Variants in KDM4C observed in about 807,000 individuals in gnomAD.
KDM4C encodes lysine-specific demethylase 4C.
In KDM4C, 81 loss-of-function variants were observed where a neutral mutation model predicts 129.3. The observed-to-expected ratio is 0.63, with a 90% CI of 0.52 to 0.75. The LOEUF is 0.75. KDM4C is among the 30% of genes least tolerant of loss of function. KDM4C has a pLI of 0.00. For synonymous variants in KDM4C, 573 were observed against 456.1 expected (o/e 1.26, Z -3.26); for missense variants, 1,457 against 1,304.0 (o/e 1.12, Z -1.81).
At chr9:6,997,477 C>G (rs762565253) in intron 12 of KDM4C, among the ~76,000 whole-genome samples, 2 of 152,184 alleles carry the variant, frequency 1.3e-5, no homozygotes, top group Non-Finnish European at 2.9e-5. Context: ...GAAAGTTATT[C>G]TAAGAATTCC....
intron 1 of KDM4C, among the ~76,000 whole-genome samples, chr9:6,785,341 CT>C (rs112696938): frequency 7.2e-4 from 105 of 145,384 alleles, no homozygotes; most frequent in Middle Eastern, 3.5e-3. Flanking sequence ...TCCTCTTCCT[CT>C]TTTTTTTTTT....
chr9:6,833,666 A>T (rs1835321140), intron 4 of KDM4C, among the ~76,000 whole-genome samples: 1 of 152,172 alleles, frequency 6.6e-6, no homozygotes, highest in Non-Finnish European at 1.5e-5. Context: ...GACATAAATA[A>T]AACACCTCGT....
At chr9:7,094,905 A>AAGGGTCAGATGCACTC (rs1329194428) in intron 17 of KDM4C, among the ~76,000 whole-genome samples, 17 of 152,154 alleles carry the variant, frequency 1.1e-4, no homozygotes, top group African/African-American at 3.6e-4. Flanking sequence ...AGTTTCTAAT[A>AAGGGTCAGATGCACTC]AGGGTCAGAT....
At chr9:6,919,806 C>G (rs1286699084) in intron 8 of KDM4C, among the ~76,000 whole-genome samples, 2 of 151,938 alleles carry the variant, frequency 1.3e-5, no homozygotes, top group East Asian at 3.9e-4. Context: ...AACTCCTGGC[C>G]TCAGGTGATC....
chr9:6,754,909 A>C (rs1224501331), upstream of KDM4C, among the ~76,000 whole-genome samples: 1 of 150,822 alleles, frequency 6.6e-6, no homozygotes, highest in Non-Finnish European at 1.5e-5. Flanking sequence ...AAAAAGCAGC[A>C]TATAAATTTG....
intron 8 of KDM4C, among the ~76,000 whole-genome samples, chr9:6,958,707 C>CTTTGTTTT: frequency 1.2e-5 from 1 of 81,110 alleles, no homozygotes. Context: ...TTTTTTGGGA[C>CTTTGTTTT]AGGGTCTCAC....
At chr9:6,833,011 T>G (rs772242058) in intron 4 of KDM4C, among the ~76,000 whole-genome samples, 1 of 151,982 alleles carries the variant, frequency 6.6e-6, no homozygotes, top group Non-Finnish European at 1.5e-5. Context: ...GCTAGCATTA[T>G]AGGTGTGAGC....
chr9:7,058,426 T>A lies in KDM4C; in HGVS notation c.2424+9226T>A, dbSNP rs548404086. 3.3e-5 allele frequency among the ~76,000 whole-genome samples: 5 copies of A among 152,328 alleles called. No homozygotes were observed. In the East Asian group the frequency reaches 9.6e-4, roughly 29 times the overall value. ...TTGTTGTGTTTGCACATTTCATTGG[T>A]TGAAATATTCTCACCGTGTCCAGTT... On this transcript the variant is annotated intron_variant, in intron 17 of 21. Transcript: ENST00000381309.
Position 7,174,442 on chromosome 9 carries a change from G to A in KDM4C, c.2995-111G>A, listed in dbSNP as rs192906423. 59 of 975,770 alleles carry A rather than the reference G, an allele frequency of 6.0e-5. No homozygotes were observed. In the African/African-American group the frequency reaches 8.4e-4, roughly 14 times the overall value. The allele number at this position is 975,770 out of a possible 1,614,324, so 60.4% of individuals were successfully genotyped here. A position where few individuals can be genotyped will look rare whatever the true frequency, so the allele number is the denominator to read the frequency against. Reference sequence around the variant, plus strand: ...GCCTGGGGCCCTTTTAGCCTGAGCTGGTGACCTGGGCATCTGCACCCTAAC... The same window carrying A: ...GCCTGGGGCCCTTTTAGCCTGAGCTAGTGACCTGGGCATCTGCACCCTAAC... On this transcript the variant is annotated intron_variant, in intron 21 of 21. Coordinates refer to ENST00000381309, the MANE Select transcript of KDM4C (RefSeq NM_015061.6).
Position 7,126,498 on chromosome 9 carries a change from A to G in KDM4C, c.2611-1568A>G, listed in dbSNP as rs533512941. The stretch of plus-strand genomic sequence containing the variant: ...AGGTTTTCACTGAAAAAGGATGAAG[A>G]TACAAATATGGAATAGAGGGAGGCA... On this transcript the variant is annotated intron_variant, in intron 18 of 21. Transcript: ENST00000381309. 2.6e-5 allele frequency among the ~76,000 whole-genome samples: 4 copies of G among 152,294 alleles called. No homozygotes were observed. The East Asian group carries it at 7.7e-4, about 29-fold the overall frequency.
intron 19 of KDM4C, among the ~76,000 whole-genome samples, chr9:7,155,272 C>A (rs1365199148): frequency 6.6e-6 from 1 of 152,146 alleles, no homozygotes; most frequent in Admixed American, 6.5e-5. Flanking sequence ...GAGGGCAGAC[C>A]ACTCAAGTTG....
chr9:6,791,312 C>T (rs934558371), intron 1 of KDM4C, among the ~76,000 whole-genome samples: 19 of 152,244 alleles, frequency 1.2e-4, no homozygotes, highest in Admixed American at 8.5e-4. Context: ...GGCGTTTTAC[C>T]GTGTTGCCCG....
intron 1 of KDM4C, among the ~76,000 whole-genome samples, chr9:6,734,207 G>C (rs111499538): frequency 6.6e-6 from 1 of 151,232 alleles, no homozygotes; most frequent in African/African-American, 2.4e-5. Flanking sequence ...TCCCCAGAAA[G>C]AGATTGATCT....
intron 1 of KDM4C, among the ~76,000 whole-genome samples, chr9:6,763,141 G>A (rs1443038153): frequency 6.6e-6 from 1 of 152,032 alleles, no homozygotes; most frequent in East Asian, 1.9e-4. Flanking sequence ...ATTCCTTTAA[G>A]GAAGCCTATC....
chr9:7,081,345 C>A (rs933711148), intron 17 of KDM4C, among the ~76,000 whole-genome samples: 2 of 152,188 alleles, frequency 1.3e-5, no homozygotes, highest in African/African-American at 2.4e-5. Context: ...CTTAGTCTGA[C>A]TGAATGCAAT....
intron 17 of KDM4C, among the ~76,000 whole-genome samples, chr9:7,091,276 A>C (rs1054606529): frequency 1.3e-5 from 2 of 151,948 alleles, no homozygotes; most frequent in Admixed American, 6.6e-5. Flanking sequence ...GAGAGGTAAA[A>C]ACTGTGGAAG....
intron 17 of KDM4C, among the ~76,000 whole-genome samples, chr9:7,052,261 AT>A (rs1277035563): frequency 6.6e-6 from 1 of 152,220 alleles, no homozygotes; most frequent in African/African-American, 2.4e-5. Flanking sequence ...TCATTTAACA[AT>A]TTAACATTAC....
At chr9:6,779,940 T>G (rs745576859) in intron 1 of KDM4C, among the ~76,000 whole-genome samples, 4 of 152,192 alleles carry the variant, frequency 2.6e-5, no homozygotes, top group Non-Finnish European at 5.9e-5. Context: ...AAAATTCATT[T>G]TGTAGCACTG....
intron 7 of KDM4C, 132 bp downstream of exon 7, chr9:6,888,195 A>G (rs1563762903): frequency 4.8e-6 from 2 of 420,970 alleles, no homozygotes; most frequent in South Asian, 4.9e-5. Flanking sequence ...GTTTTATAGC[A>G]TATCAATTAT....
Sources: gnomAD v4.1 joint callset for allele counts (sites outside exome capture counted in the v4.1 genomes callset) on GRCh38, gnomAD v4.1.1 for gene constraint, MANE v1.5 for transcripts, NCBI Gene and HGNC (gene_info 2026-07-23, HGNC 2026-07-21) for gene names.